CRADD: variants seen among roughly 807,000 people sequenced by gnomAD.
CRADD encodes the protein CARD and death domain containing adaptor protein, also known as death domain-containing protein CRADD.
Under a neutral mutation model 15.5 loss-of-function variants are expected in CRADD, and 9 were observed. The ratio of observed to expected loss-of-function variants is 0.58; its 90% CI spans 0.35 to 1.01. CRADD has a LOEUF of 1.01. Ranked by LOEUF, CRADD falls within the 50% of genes least tolerant of loss-of-function variation. The pLI is 0.02. For missense variants in CRADD, 227 were observed against 250.3 expected, an observed-to-expected ratio of 0.91 and a Z score of 0.63; for synonymous variants, 118 against 107.6, an observed-to-expected ratio of 1.10 and a Z score of -0.60.
chr12:93,887,446 A>C (rs1455190543), intron 2 of CRADD, among the ~76,000 whole-genome samples: 1 of 152,244 alleles, frequency 6.6e-6, no homozygotes. Context: ...TCCGTCTGGC[A>C]AGAAGAAATT....
downstream of CRADD, among the ~76,000 whole-genome samples, chr12:93,853,552 G>T (rs752205489): frequency 1.3e-5 from 2 of 152,068 alleles, no homozygotes; most frequent in Non-Finnish European, 2.9e-5. Flanking sequence ...CTCCATCCCC[G>T]TTTGGAACCA....
intron 2 of CRADD, among the ~76,000 whole-genome samples, chr12:93,802,420 A>T (rs746836516): frequency 6.6e-6 from 1 of 152,204 alleles, no homozygotes; most frequent in Non-Finnish European, 1.5e-5. Flanking sequence ...GCTTGATCTC[A>T]TGTCAGCCAT....
intron 2 of CRADD, among the ~76,000 whole-genome samples, chr12:93,885,303 G>C (rs1300340140): frequency 6.6e-6 from 1 of 152,092 alleles, no homozygotes; most frequent in East Asian, 1.9e-4. Context: ...CAGGTATTTG[G>C]GCTATGCATT....
chr12:93,685,122 G>T (rs920970131), intron 2 of CRADD, among the ~76,000 whole-genome samples: 5 of 152,166 alleles, frequency 3.3e-5, no homozygotes, highest in Non-Finnish European at 7.3e-5. Flanking sequence ...CCTTCTGTGG[G>T]CAACAGTATT....
chr12:93,772,021 C>T (rs139223705), intron 2 of CRADD, among the ~76,000 whole-genome samples: 9 of 152,280 alleles, frequency 5.9e-5, no homozygotes, highest in Non-Finnish European at 1.0e-4. Context: ...TTTAAATTAT[C>T]GTCTTTTGAG....
intron 2 of CRADD, among the ~76,000 whole-genome samples, chr12:93,727,982 C>T (rs1956399043): frequency 6.6e-6 from 1 of 152,160 alleles, no homozygotes; most frequent in Non-Finnish European, 1.5e-5. Context: ...CCTGTACTCT[C>T]CTCTAACACA....
At chr12:93,874,238 C>G (rs1286567437) in intron 2 of CRADD, among the ~76,000 whole-genome samples, 1 of 151,994 alleles carries the variant, frequency 6.6e-6, no homozygotes, top group East Asian at 1.9e-4. Context: ...GCATTTGGTG[C>G]TTATAGTAGC....
chr12:93,702,753 C>T (rs1252459680), intron 2 of CRADD, among the ~76,000 whole-genome samples: 1 of 151,980 alleles, frequency 6.6e-6, no homozygotes, highest in Non-Finnish European at 1.5e-5. Context: ...ACCCTCCCAG[C>T]CCCCACCAAA....
At chr12:93,770,239 G>T (rs953908458) in intron 2 of CRADD, among the ~76,000 whole-genome samples, 15 of 151,492 alleles carry the variant, frequency 9.9e-5, no homozygotes, top group Admixed American at 6.6e-4. Flanking sequence ...GGGACTACAG[G>T]CGCCCGCCAT....
At chr12:93,791,054 AT>A (rs1428613758) in intron 2 of CRADD, among the ~76,000 whole-genome samples, 3 of 152,102 alleles carry the variant, frequency 2.0e-5, no homozygotes, top group African/African-American at 7.2e-5. Context: ...AGAGAAAAAG[AT>A]TTTTAAAATA....
intron 2 of CRADD, among the ~76,000 whole-genome samples, chr12:93,767,780 C>T (rs190685832): frequency 2.0e-5 from 3 of 152,350 alleles, no homozygotes; most frequent in Admixed American, 2.0e-4. Context: ...CACTCTTCAG[C>T]AGTATACCAC....
rs190023398 is a variant in CRADD at position 93,736,282 on chromosome 12, C to T, written c.298+57210C>T. On this transcript the variant is annotated intron_variant, in intron 2 of 2. Coordinates refer to ENST00000332896, the MANE Select transcript of CRADD (RefSeq NM_003805.5). ...ATGCTGGGATGCTTAAATAACAGTA[C>T]AGTACATTGCAAAGGAACTAGGGAA... Among the ~76,000 whole-genome samples the T allele has an allele frequency of 8.1e-4, 123 of 152,216 alleles. 1 individual carries two copies. Among genetic ancestry groups the T allele is most frequent in the Non-Finnish European group, 1.7e-3 (114 of 68,014 alleles).
chr12:93,684,365 C>T (rs529867265), intron 2 of CRADD, among the ~76,000 whole-genome samples: 1 of 152,264 alleles, frequency 6.6e-6, no homozygotes, highest in East Asian at 1.9e-4. Context: ...CGACCTCGAT[C>T]TCTGGCATGT....
chr12:93,819,392 A>T (rs138114726), intron 2 of CRADD, among the ~76,000 whole-genome samples: 4 of 152,340 alleles, frequency 2.6e-5, no homozygotes, highest in African/African-American at 9.6e-5. Context: ...GAGAACTAAA[A>T]GTAGCCTTGA....
intron 2 of CRADD, among the ~76,000 whole-genome samples, chr12:93,874,052 C>G (rs1021770577): frequency 6.6e-6 from 1 of 152,030 alleles, no homozygotes; most frequent in Non-Finnish European, 1.5e-5. Flanking sequence ...TGGTAGAATT[C>G]AGCAGTGAAG....
chr12:93,885,958 G>T (rs1204023548), intron 2 of CRADD, among the ~76,000 whole-genome samples: 1 of 152,064 alleles, frequency 6.6e-6, no homozygotes, highest in African/African-American at 2.4e-5. Context: ...AGAATCGCTT[G>T]AATCTAGGAG....
chr12:93,700,484 G>A (rs1565877645), intron 2 of CRADD, among the ~76,000 whole-genome samples: 1 of 151,906 alleles, frequency 6.6e-6, no homozygotes, highest in Non-Finnish European at 1.5e-5. Context: ...AGGCTGGAGT[G>A]CAGTGGCTTG....
chr12:93,808,110 A>G (rs1957565643), intron 2 of CRADD, among the ~76,000 whole-genome samples: 1 of 151,652 alleles, frequency 6.6e-6, no homozygotes. Flanking sequence ...GAAGACTTGA[A>G]TGAGGTGGAG....
At chr12:93,828,926 A>C (rs1296338555) in intron 2 of CRADD, among the ~76,000 whole-genome samples, 1 of 152,040 alleles carries the variant, frequency 6.6e-6, no homozygotes, top group African/African-American at 2.4e-5. Flanking sequence ...TTCCAGGGGG[A>C]TGTGTTCATG....
Sources: allele counts gnomAD v4.1 joint callset (sites outside exome capture counted in the v4.1 genomes callset), GRCh38; gene constraint gnomAD v4.1.1; transcripts MANE v1.5; gene names NCBI Gene and HGNC (gene_info 2026-07-23, HGNC 2026-07-21).